The following ADAMTSL3 variants were observed in gnomAD, a reference collection of about 807,000 sequenced individuals.
The protein encoded by ADAMTSL3 is ADAMTS-like protein 3.
In ADAMTSL3, 128 loss-of-function variants were observed where a neutral mutation model predicts 201.7. The ratio of observed to expected loss-of-function variants is 0.63; its 90% CI spans 0.55 to 0.73. The LOEUF (loss-of-function observed/expected upper bound fraction) is 0.73, where lower values mean the gene tolerates loss of function less well. ADAMTSL3 is among the 30% of genes least tolerant of loss of function. The pLI, the probability that ADAMTSL3 is intolerant of heterozygous loss-of-function variation, is 0.00. For missense variants in ADAMTSL3, 1,990 were observed against 2,119.6 expected (o/e 0.94, Z 1.20); for synonymous variants, 738 against 748.4 (o/e 0.99, Z 0.23).
intron 9 of ADAMTSL3, among the ~76,000 whole-genome samples, chr15:83,883,932 G>A (rs2065333593): frequency 6.8e-6 from 1 of 147,110 alleles, no homozygotes; most frequent in South Asian, 2.1e-4. Context: ...CACTTTTGTT[G>A]CCCCGGCTGG....
intron 4 of ADAMTSL3, among the ~76,000 whole-genome samples, chr15:83,778,370 G>A (rs1040889086): frequency 7.9e-5 from 12 of 152,166 alleles, no homozygotes; most frequent in African/African-American, 2.9e-4. Context: ...TAAAGACAGA[G>A]AGAAAGGTCA....
chr15:83,946,996 A>G (rs999822121), intron 19 of ADAMTSL3, among the ~76,000 whole-genome samples: 6 of 152,352 alleles, frequency 3.9e-5, no homozygotes, highest in African/African-American at 1.4e-4. Flanking sequence ...GCCATTGGTG[A>G]GGCTTGAGCG....
chr15:83,668,859 C>G (rs527753470), intron 2 of ADAMTSL3, among the ~76,000 whole-genome samples: 2 of 152,254 alleles, frequency 1.3e-5, no homozygotes, highest in East Asian at 1.9e-4. Context: ...CCTCCTTGGA[C>G]CAAGAGACTA....
intron 3 of ADAMTSL3, among the ~76,000 whole-genome samples, chr15:83,762,235 C>T (rs1337375697): frequency 6.6e-6 from 1 of 152,076 alleles, no homozygotes; most frequent in East Asian, 1.9e-4. Context: ...TTCCTAAATA[C>T]ACTAATATCT....
Position 83,891,487 on chromosome 15 carries a change from T to A in ADAMTSL3, c.1262+108T>A, listed in dbSNP as rs573005080. The A allele has an allele frequency of 6.5e-5, 60 of 928,474 alleles. No individual in the cohort carries two copies. The South Asian group carries it at 7.5e-4, about 12-fold the overall frequency. 57.5% of individuals were successfully genotyped at this position (928,474 alleles called of 1,614,324 possible). ...TATGAGGGTTAGATATTAAATACTT[T>A]ATAGAGCTAAGGGAAAACAGACTTC... On this transcript the variant is annotated intron_variant, in intron 12 of 29. Coordinates refer to ENST00000286744, the MANE Select transcript of ADAMTSL3 (RefSeq NM_207517.3).
At chr15:83,867,684 T>G (rs1182937555) in intron 8 of ADAMTSL3, among the ~76,000 whole-genome samples, 1 of 152,234 alleles carries the variant, frequency 6.6e-6, no homozygotes, top group Non-Finnish European at 1.5e-5. Flanking sequence ...ATAAGTTTGA[T>G]GTATTTATAA....
rs150428048 is a variant in ADAMTSL3, at chr15:83,801,325, C to T, written c.318-3325C>T. On this transcript the variant is annotated intron_variant, in intron 4 of 29. Coordinates refer to ENST00000286744, the MANE Select transcript of ADAMTSL3 (RefSeq NM_207517.3). ...GCTGTTCTTTTCACTCCAAAATGTC[C>T]TTCTCCCAAAGCCTTCTAAATCTAA... 3.2e-3 allele frequency among the ~76,000 whole-genome samples: 491 copies of T among 151,902 alleles called. 3 individuals are homozygous for T. Among genetic ancestry groups the T allele is most frequent in the African/African-American group, 0.011 (464 of 41,428 alleles).
At chr15:83,747,134 G>A (rs1354787728) in intron 3 of ADAMTSL3, among the ~76,000 whole-genome samples, 1 of 152,100 alleles carries the variant, frequency 6.6e-6, no homozygotes, top group African/African-American at 2.4e-5. Context: ...ATGGTGTTAG[G>A]TGTCACTTGG....
At chr15:84,019,907 A>G (rs922011778) in intron 25 of ADAMTSL3, among the ~76,000 whole-genome samples, 7 of 151,522 alleles carry the variant, frequency 4.6e-5, no homozygotes, top group African/African-American at 1.7e-4. Flanking sequence ...AAAAAAAAAA[A>G]AAAAGAAACC....
chr15:83,803,771 C>G (rs569851232), intron 4 of ADAMTSL3, among the ~76,000 whole-genome samples: 1 of 152,256 alleles, frequency 6.6e-6, no homozygotes, highest in South Asian at 2.1e-4. Context: ...GGAAAATTCT[C>G]AAACTTACCA....
intron 7 of ADAMTSL3, 130 bp downstream of exon 7, chr15:83,838,345 G>A: frequency 8.1e-7 from 1 of 1,237,116 alleles, no homozygotes; most frequent in South Asian, 1.6e-5. Context: ...TTTTCTAAAA[G>A]TGAAATTTCT....
chr15:83,730,280 G>C (rs2062244991), intron 3 of ADAMTSL3, among the ~76,000 whole-genome samples: 3 of 152,118 alleles, frequency 2.0e-5, no homozygotes, highest in Admixed American at 1.3e-4. Context: ...CAAGAATATT[G>C]ATTGCCCAGA....
At chr15:83,719,447 G>A (rs1037689767) in intron 3 of ADAMTSL3, among the ~76,000 whole-genome samples, 1 of 152,052 alleles carries the variant, frequency 6.6e-6, no homozygotes, top group Non-Finnish European at 1.5e-5. Flanking sequence ...AAAAACCTAC[G>A]ACAACACTCT....
intron 4 of ADAMTSL3, among the ~76,000 whole-genome samples, chr15:83,792,521 T>C (rs1369803089): frequency 6.6e-6 from 1 of 152,228 alleles, no homozygotes; most frequent in Non-Finnish European, 1.5e-5. Flanking sequence ...GTTGGGCTTA[T>C]GCCTGTAATC....
intron 9 of ADAMTSL3, among the ~76,000 whole-genome samples, chr15:83,877,800 T>A (rs934230771): frequency 6.6e-5 from 10 of 152,224 alleles, no homozygotes; most frequent in Admixed American, 6.5e-4. Flanking sequence ...GTCATTAATA[T>A]CTTTTATTAC....
chr15:83,793,661 G>A (rs1204352179), intron 4 of ADAMTSL3, among the ~76,000 whole-genome samples: 2 of 152,134 alleles, frequency 1.3e-5, no homozygotes, highest in Non-Finnish European at 2.9e-5. Context: ...ACTTTTGGTA[G>A]AGATGGGGTT....
intron 28 of ADAMTSL3, among the ~76,000 whole-genome samples, chr15:84,033,598 G>T (rs899107272): frequency 7.2e-5 from 11 of 152,174 alleles, no homozygotes; most frequent in African/African-American, 2.7e-4. Flanking sequence ...GGTGGAGGCT[G>T]CAGTGAGCCA....
intron 6 of ADAMTSL3, among the ~76,000 whole-genome samples, chr15:83,822,520 T>G: frequency 1.7e-5 from 2 of 114,640 alleles, no homozygotes; most frequent in South Asian, 3.0e-4. Flanking sequence ...CCAGACGGGG[T>G]TGCGGCCGGG....
intron 4 of ADAMTSL3, among the ~76,000 whole-genome samples, chr15:83,791,775 G>A (rs1336723044): frequency 6.6e-6 from 1 of 151,706 alleles, no homozygotes; most frequent in African/African-American, 2.4e-5. Flanking sequence ...CAGGAGAATG[G>A]CGTGAACCCA....
Sources: allele counts gnomAD v4.1 joint callset (sites outside exome capture counted in the v4.1 genomes callset), GRCh38; gene constraint gnomAD v4.1.1; transcripts MANE v1.5; gene names NCBI Gene and HGNC (gene_info 2026-07-23, HGNC 2026-07-21).